The following GLRX3 variants were observed in gnomAD, a reference collection of about 807,000 sequenced individuals.
GLRX3 encodes the protein glutaredoxin 3, also known as glutaredoxin-3.
A neutral mutation model predicts 49.5 loss-of-function variants in GLRX3; 22 were observed. That is an observed-to-expected ratio of 0.44 (90% confidence interval 0.32 to 0.63). The LOEUF is 0.63. Ranked by LOEUF, GLRX3 falls within the 30% of genes least tolerant of loss-of-function variation. The probability of loss-of-function intolerance (pLI) is 0.05; values close to 1 mark genes in which losing one functional copy is unlikely to be tolerated. For missense variants in GLRX3, 385 were observed against 396.3 expected, an observed-to-expected ratio of 0.97 and a Z score of 0.24; for synonymous variants, 133 against 140.0, an observed-to-expected ratio of 0.95 and a Z score of 0.35.
intron 3 of GLRX3, 47 bp downstream of exon 3, chr10:130,160,116 T>C (rs759714771): frequency 3.6e-6 from 4 of 1,096,494 alleles, no homozygotes; most frequent in Non-Finnish European, 5.6e-6. Context: ...TAGGGTGCCA[T>C]GGGGCTACCT....
chr10:130,178,055 T>C (rs1425654016), intron 10 of GLRX3, among the ~76,000 whole-genome samples: 2 of 152,268 alleles, frequency 1.3e-5, no homozygotes, highest in Non-Finnish European at 2.9e-5. Context: ...TGATGCCATG[T>C]CTGTTTCTGA....
intron 10 of GLRX3, among the ~76,000 whole-genome samples, chr10:130,177,941 C>G (rs1238294905): frequency 6.6e-6 from 1 of 152,168 alleles, no homozygotes; most frequent in Non-Finnish European, 1.5e-5. Flanking sequence ...TCATGTCTGT[C>G]CTTTCAAGCT....
chr10:130,145,805 ATT>A (rs566082139), intron 2 of GLRX3, among the ~76,000 whole-genome samples: 1 of 149,194 alleles, frequency 6.7e-6, no homozygotes, highest in Non-Finnish European at 1.5e-5. Context: ...ATAATTTTGC[ATT>A]TTTTTTTTTT....
At chr10:130,142,688 A>G (rs191071805) in intron 1 of GLRX3, among the ~76,000 whole-genome samples, 6 of 152,072 alleles carry the variant, frequency 3.9e-5, no homozygotes, top group Admixed American at 1.3e-4. Context: ...CTGCTATTCC[A>G]TTGAAGGTAC....
In GLRX3 at chr10:130,136,437, C is replaced by G; in HGVS notation, c.17C>G (p.Ala6Gly). The change falls in exon 1 of 11, where the codon GCT becomes GGT. Residue 6 changes from alanine (A) to glycine (G), a missense_variant. Transcript: ENST00000331244. ...GGCGGCAGCATGGCGGCGGGGGCGG[C>G]TGAGGCAGCTGTAGCGGCCGTGGAG... Reference protein sequence around the residue: MAAGAAEAAVAAVEEV... With the variant: MAAGAGEAAVAAVEEV... The G allele has an allele frequency of 8.0e-7, 1 of 1,257,248 alleles. No individual in the cohort carries two copies. 77.9% of individuals were successfully genotyped at this position (1,257,248 alleles called of 1,614,324 possible). A position where few individuals can be genotyped will look rare whatever the true frequency, so the allele number is the denominator to read the frequency against.
rs150212549 is a variant in GLRX3 at position 130,138,738 on chromosome 10, A to G, written c.92+2226A>G. Among the ~76,000 whole-genome samples the G allele has an allele frequency of 2.8e-4, 42 of 152,124 alleles. No homozygotes were observed. The East Asian group carries it at 8.1e-3, about 29-fold the overall frequency. ...GTCTTGTGTGGACCTGCCCTAAGTA[A>G]ACGTTTTGAATTTACCATCACCTGA... On this transcript the variant is annotated intron_variant, in intron 1 of 10. Transcript: ENST00000331244.
chr10:130,166,263 T>C (rs917167856), intron 4 of GLRX3, among the ~76,000 whole-genome samples: 5 of 151,876 alleles, frequency 3.3e-5, no homozygotes, highest in Non-Finnish European at 5.9e-5. Flanking sequence ...TTTTTTTCAG[T>C]AGTCACAGTT....
chr10:130,167,377 CTGAG>C (rs1862713422), intron 6 of GLRX3, among the ~76,000 whole-genome samples: 1 of 152,222 alleles, frequency 6.6e-6, no homozygotes, highest in Non-Finnish European at 1.5e-5. Flanking sequence ...CGCCAGAGCA[CTGAG>C]TGACAAGTGG....
rs117813750 is a variant in GLRX3 at position 130,154,894 on chromosome 10, G to A, written c.202-5101G>A. 2.0e-5 allele frequency among the ~76,000 whole-genome samples: 3 copies of A among 152,294 alleles called. No homozygotes were observed. The East Asian group carries it at 5.8e-4, about 29-fold the overall frequency. On this transcript the variant is annotated intron_variant, in intron 2 of 10. Coordinates refer to ENST00000331244, the MANE Select transcript of GLRX3 (RefSeq NM_006541.5). ...ATAAGTTCTGCAAAAGAAAGAAATA[G>A]GCTATGAAAATGGGAACTGGGATAG...
intron 2 of GLRX3, among the ~76,000 whole-genome samples, chr10:130,145,648 C>T (rs997720707): frequency 1.3e-5 from 2 of 151,552 alleles, no homozygotes; most frequent in East Asian, 1.9e-4. Context: ...GGTGACAGAG[C>T]GAGACGCTGT....
In GLRX3 at chr10:130,136,411, C is replaced by CGGCGGCAGCAT; in HGVS notation, c.-3_8dup. ...CCGGCACTGGATTGCTTCTGTCTGG[C>CGGCGGCAGCAT]GGCGGCAGCATGGCGGCGGGGGCGG... On this transcript the variant is annotated 5_prime_UTR_variant, in exon 1 of 11. It adds an upstream start codon to the 5' untranslated region. Transcript: ENST00000331244. 1.6e-6 allele frequency: 2 copies of CGGCGGCAGCAT among 1,252,080 alleles called. No homozygotes were observed. The highest frequency in any genetic ancestry group is 2.0e-6 in the Non-Finnish European group (2 of 992,356). The allele number at this position is 1,252,080 out of a possible 1,614,324, so 77.6% of individuals were successfully genotyped here.
Position 130,136,417 on chromosome 10 carries a change from CA to C in GLRX3, c.-3del. On this transcript the variant is annotated 5_prime_UTR_variant, in exon 1 of 11. Coordinates refer to ENST00000331244, the MANE Select transcript of GLRX3 (RefSeq NM_006541.5). ...CTGGATTGCTTCTGTCTGGCGGCGGCAGCATGGCGGCGGGGGCGGCTGAGGC... is the reference window on the plus strand; with the variant it reads ...CTGGATTGCTTCTGTCTGGCGGCGGCGCATGGCGGCGGGGGCGGCTGAGGC... 3.2e-6 allele frequency: 4 copies of C among 1,253,202 alleles called. No homozygotes were observed. Among genetic ancestry groups the C allele is most frequent in the Non-Finnish European group, 4.0e-6 (4 of 992,834 alleles). 77.6% of individuals were successfully genotyped at this position (1,253,202 alleles called of 1,614,324 possible).
chr10:130,169,536 AACATCTGCAACAAGGGG>A lies in GLRX3; in HGVS notation c.771+50_771+66del, dbSNP rs774440726. 38 of 1,146,664 alleles carry A rather than the reference AACATCTGCAACAAGGGG, an allele frequency of 3.3e-5. No homozygotes were observed. In the Admixed American group the frequency reaches 4.4e-4, roughly 13 times the overall value. The allele number at this position is 1,146,664 out of a possible 1,614,324, so 71.0% of individuals were successfully genotyped here. ...TTTATTTGTAATTTCTTTTGATGTT[AACATCTGCAACAAGGGG>A]ACAGTTAAATCTTTTTCCTAGCTTT... On this transcript the variant is annotated intron_variant, in intron 7 of 10. Transcript: ENST00000331244.
In GLRX3 at chr10:130,171,595, T is replaced by G; in HGVS notation, c.783T>G (p.Cys261Trp). ...FMKGNKQEAK[C>W]GFSKQILEIL... ...TTTTTTTCATTTAGGAAGCAAAATG[T>G]GGATTCAGCAAACAAATTCTGGAAA... Residue 261 changes from cysteine (C) to tryptophan (W), a missense_variant, in exon 8 of 11, where the codon TGT (cysteine) becomes TGG (tryptophan). By Grantham distance (215) the Cys-to-Trp change is radical. Around this residue, in one of 2 missense-constraint regions of GLRX3, gnomAD observed 374 missense variants for 358.6 expected, o/e 1.04. Coordinates refer to ENST00000331244, the MANE Select transcript of GLRX3 (RefSeq NM_006541.5). The G allele has an allele frequency of 6.5e-7, 1 of 1,542,364 alleles. No homozygotes were observed. Among genetic ancestry groups the G allele is most frequent in the Non-Finnish European group, 9.0e-7 (1 of 1,114,464 alleles).
chr10:130,169,617 G>C, intron 7 of GLRX3, 127 bp downstream of exon 7: 1 of 666,208 alleles, frequency 1.5e-6, no homozygotes, highest in Non-Finnish European at 2.7e-6. Flanking sequence ...AGTTATCCAC[G>C]CCTTAATTGG....
rs201782915 is a variant in GLRX3 at position 130,171,759 on chromosome 10, T to A, written c.824+123T>A. 8 of 688,004 alleles carry A rather than the reference T, an allele frequency of 1.2e-5. No individual in the cohort carries two copies. The East Asian group carries it at 2.1e-4, about 18-fold the overall frequency. The allele number at this position is 688,004 out of a possible 1,614,324, so 42.6% of individuals were successfully genotyped here. ...GACAGGAATATTGCTTGAGCCCAGG[T>A]GTTCGAGACCAGCCTGGACAACATA... On this transcript the variant is annotated intron_variant, in intron 8 of 10. Transcript: ENST00000331244.
chr10:130,178,711 G>T (rs1024826539), intron 10 of GLRX3, among the ~76,000 whole-genome samples: 4 of 151,938 alleles, frequency 2.6e-5, no homozygotes, highest in Non-Finnish European at 4.4e-5. Flanking sequence ...ATTTATTTAT[G>T]AATGAATGAA....
Position 130,166,489 on chromosome 10 carries a change from T to G in GLRX3, c.479-18T>G. 1 of 1,600,030 alleles carries G rather than the reference T, an allele frequency of 6.2e-7. No homozygotes were observed. The highest frequency in any genetic ancestry group is 8.6e-7 in the Non-Finnish European group (1 of 1,168,046). On this transcript the variant is annotated intron_variant, in intron 4 of 10. Coordinates refer to ENST00000331244, the MANE Select transcript of GLRX3 (RefSeq NM_006541.5). The stretch of plus-strand genomic sequence containing the variant: ...GGGAGAGAGAAGTTAAGTGCTTTAT[T>G]TCTTTTTTTGTGTACAGGTTTCAGC...
intron 6 of GLRX3, among the ~76,000 whole-genome samples, chr10:130,168,920 T>G (rs1292507749): frequency 6.6e-6 from 1 of 152,238 alleles, no homozygotes; most frequent in Non-Finnish European, 1.5e-5. Context: ...TTATGATGTT[T>G]GAAAGACTAT....
Sources: gnomAD v4.1 joint callset for allele counts (sites outside exome capture counted in the v4.1 genomes callset) on GRCh38, gnomAD v4.1.1 for gene constraint, gnomAD v4.1.1 regional missense constraint, MANE v1.5 for transcripts, NCBI Gene and HGNC (gene_info 2026-07-23, HGNC 2026-07-21) for gene names.